KMT2C: variants seen among roughly 807,000 people sequenced by gnomAD.
KMT2C encodes lysine methyltransferase 2C, also known as histone-lysine N-methyltransferase 2C.
Under a neutral mutation model 507.9 loss-of-function variants are expected in KMT2C, and 88 were observed. The ratio of observed to expected loss-of-function variants is 0.17; its 90% CI spans 0.15 to 0.21. The LOEUF is 0.21. Among genes scored for constraint, KMT2C ranks in the 10% least tolerant of loss-of-function variants. KMT2C has a pLI of 1.00. For missense variants in KMT2C, 4,954 were observed against 5,957.8 expected (o/e 0.83, Z 5.55); for synonymous variants, 2,049 against 2,080.8 (o/e 0.98, Z 0.42).
At chr7:152,227,017 C>T (rs1396777121) in intron 18 of KMT2C, among the ~76,000 whole-genome samples, 2 of 152,128 alleles carry the variant, frequency 1.3e-5, no homozygotes, top group Non-Finnish European at 2.9e-5. Flanking sequence ...TTCACAGATA[C>T]CTGTGGTCCC....
chr7:152,350,743 A>G (rs764524578), intron 2 of KMT2C, among the ~76,000 whole-genome samples: 2 of 152,228 alleles, frequency 1.3e-5, no homozygotes, highest in Non-Finnish European at 2.9e-5. Context: ...AACACTGTAC[A>G]CTTAGGCTAC....
Position 152,139,248 on chromosome 7 carries a change from C to T in KMT2C, c.14472G>A (p.Val4824=). The T allele has an allele frequency of 1.2e-6, 2 of 1,613,642 alleles. No homozygotes were observed. Among genetic ancestry groups the T allele is most frequent in the Non-Finnish European group, 1.7e-6 (2 of 1,179,986 alleles). ...GGTCGTTATCCATGCGGAACATGTACACACCACGGTTCTGAGGGAAAAGTC... is the reference window on the plus strand; with the variant it reads ...GGTCGTTATCCATGCGGAACATGTATACACCACGGTTCTGAGGGAAAAGTC... ...EKLYESQNRG[V]YMFRMDNDHV... Residue 4824 remains valine (V), a synonymous_variant, in exon 57 of 59, where the codon GTG becomes GTA. Transcript: ENST00000262189.
intron 1 of KMT2C, among the ~76,000 whole-genome samples, chr7:152,364,531 C>T (rs1243483487): frequency 6.6e-6 from 1 of 150,794 alleles, no homozygotes; most frequent in East Asian, 1.9e-4. Context: ...ATGGTGTGAA[C>T]CCAGGAGGTG....
intron 11 of KMT2C, among the ~76,000 whole-genome samples, chr7:152,251,727 C>T (rs754997338): frequency 3.3e-5 from 5 of 151,900 alleles, no homozygotes; most frequent in Non-Finnish European, 4.4e-5. Context: ...AATTCAAATA[C>T]TAAAAAAAAC....
At chr7:152,242,798 G>A (rs2095409326) in intron 14 of KMT2C, among the ~76,000 whole-genome samples, 2 of 152,132 alleles carry the variant, frequency 1.3e-5, no homozygotes, top group Admixed American at 1.3e-4. Context: ...CAGCCCAAGA[G>A]TACTATCAGT....
chr7:152,170,845 T>C (rs1161233242), intron 40 of KMT2C, among the ~76,000 whole-genome samples: 4 of 152,110 alleles, frequency 2.6e-5, no homozygotes, highest in African/African-American at 9.7e-5. Context: ...ATATAATGGG[T>C]TTAATTCTAA....
intron 24 of KMT2C, among the ~76,000 whole-genome samples, chr7:152,206,827 C>A (rs2094320623): frequency 6.6e-6 from 1 of 152,114 alleles, no homozygotes; most frequent in African/African-American, 2.4e-5. Context: ...TTTAACTGGA[C>A]TATAAATTCT....
chr7:152,197,078 A>G (rs1184225734), intron 27 of KMT2C, among the ~76,000 whole-genome samples: 1 of 152,106 alleles, frequency 6.6e-6, no homozygotes, highest in East Asian at 1.9e-4. Flanking sequence ...TGTAGAGCAG[A>G]TGAGGGGTGG....
At chr7:152,192,940 A>G (rs575937578) in intron 31 of KMT2C, among the ~76,000 whole-genome samples, 2 of 152,238 alleles carry the variant, frequency 1.3e-5, no homozygotes, top group East Asian at 3.9e-4. Context: ...TTGGGAGGCC[A>G]TGGTGGGAGG....
At chr7:152,196,425 T>C (rs1330751964) in intron 27 of KMT2C, among the ~76,000 whole-genome samples, 4 of 143,710 alleles carry the variant, frequency 2.8e-5, no homozygotes, top group Non-Finnish European at 5.9e-5. Context: ...AAATTCCATA[T>C]GGAGCACAAG....
intron 58 of KMT2C, chr7:152,137,240 T>C (rs1170876496): frequency 3.3e-5 from 8 of 241,016 alleles, no homozygotes; most frequent in Non-Finnish European, 3.3e-5. Flanking sequence ...GGGCAACTGC[T>C]TTCCTAGCCC....
chr7:152,271,329 C>T (rs184368149), intron 7 of KMT2C, among the ~76,000 whole-genome samples: 1 of 152,150 alleles, frequency 6.6e-6, no homozygotes, highest in East Asian at 1.9e-4. Flanking sequence ...AGATTATGAT[C>T]GTCTTAACAG....
chr7:152,314,050 C>G (rs2096699327), intron 4 of KMT2C, among the ~76,000 whole-genome samples: 1 of 152,056 alleles, frequency 6.6e-6, no homozygotes, highest in Admixed American at 6.6e-5. Context: ...GATGTGTGTA[C>G]TCAACTGACA....
At chr7:152,323,725 C>T (rs775840225) in intron 3 of KMT2C, among the ~76,000 whole-genome samples, 8 of 124,090 alleles carry the variant, frequency 6.4e-5, no homozygotes, top group Non-Finnish European at 1.1e-4. Context: ...GAGGGAGGGA[C>T]GAAGGGAGAG....
intron 9 of KMT2C, among the ~76,000 whole-genome samples, chr7:152,253,107 A>G (rs1291230751): frequency 6.6e-6 from 1 of 152,052 alleles, no homozygotes; most frequent in Non-Finnish European, 1.5e-5. Flanking sequence ...TGCCTGCCTC[A>G]GCCTCCCAAA....
At chr7:152,408,334 G>C (rs1309042550) in intron 1 of KMT2C, among the ~76,000 whole-genome samples, 1 of 152,102 alleles carries the variant, frequency 6.6e-6, no homozygotes, top group Non-Finnish European at 1.5e-5. Context: ...TTTGTACTCT[G>C]AATATAAACT....
At chr7:152,229,120 T>G (rs2095028599) in intron 18 of KMT2C, among the ~76,000 whole-genome samples, 2 of 152,164 alleles carry the variant, frequency 1.3e-5, no homozygotes, top group Admixed American at 6.5e-5. Flanking sequence ...TAAAAATCAC[T>G]CATGGTTCAC....
chr7:152,162,095 C>T (rs372830816), intron 43 of KMT2C, 22 bp downstream of exon 43: 182 of 1,497,706 alleles, frequency 1.2e-4, no homozygotes, highest in Middle Eastern at 2.5e-4. Context: ...AAAAAGTTGT[C>T]GTTTTTATGA....
intron 2 of KMT2C, among the ~76,000 whole-genome samples, chr7:152,341,562 A>G (rs772425539): frequency 9.2e-5 from 14 of 152,212 alleles, no homozygotes; most frequent in South Asian, 2.1e-4. Context: ...GGGCCTGTCA[A>G]GCAGGCTTGG....
Sources: gnomAD v4.1 joint callset for allele counts (sites outside exome capture counted in the v4.1 genomes callset) on GRCh38, gnomAD v4.1.1 for gene constraint, MANE v1.5 for transcripts, NCBI Gene and HGNC (gene_info 2026-07-23, HGNC 2026-07-21) for gene names.